The following SMURF2 variants were observed in gnomAD, a reference collection of about 807,000 sequenced individuals.
SMURF2 encodes the protein SMAD specific E3 ubiquitin protein ligase 2.
SMURF2 carries 48 observed loss-of-function variants against 109.6 expected under a neutral mutation model. The ratio of observed to expected loss-of-function variants is 0.44; its 90% CI spans 0.35 to 0.56. The LOEUF is 0.56. Among genes scored for constraint, SMURF2 ranks in the 20% least tolerant of loss-of-function variants. SMURF2 has a pLI of 0.01. For missense variants in SMURF2, 575 were observed against 909.0 expected, an observed-to-expected ratio of 0.63 and a Z score of 4.72; for synonymous variants, 288 against 317.1, an observed-to-expected ratio of 0.91 and a Z score of 0.97.
intron 1 of SMURF2, among the ~76,000 whole-genome samples, chr17:64,637,923 C>CAAAAAAAAAAAAAAAAAACAAAAAAAA (rs1970439664): frequency 1.4e-5 from 1 of 72,560 alleles, no homozygotes; most frequent in African/African-American, 4.1e-5. Context: ...GCGCCCTAGT[C>CAAAAAAAAAAAAAAAAAACAAAAAAAA]AAAAAAAAAA....
intron 1 of SMURF2, 58 bp downstream of exon 1, chr17:64,661,771 C>A: frequency 8.5e-7 from 1 of 1,173,430 alleles, no homozygotes; most frequent in East Asian, 3.4e-5. Flanking sequence ...GCCACAGGCA[C>A]CCCCCGCCAG....
chr17:64,545,716 TAAA>T lies in SMURF2; in HGVS notation c.*129_*131del, dbSNP rs1555683029. 1.3e-3 allele frequency: 174 copies of T among 134,460 alleles called. No homozygotes were observed. Among genetic ancestry groups the T allele is most frequent in the Middle Eastern group, 2.6e-3 (1 of 386 alleles). 8.3% of individuals were successfully genotyped at this position (134,460 alleles called of 1,614,324 possible). On this transcript the variant is annotated 3_prime_UTR_variant, in exon 19 of 19. Coordinates refer to ENST00000262435, the MANE Select transcript of SMURF2 (RefSeq NM_022739.4). ...TTTCCCCTCACAGTGTCCTAAAATG[TAAA>T]AAAAAAAAAAAAAAGGGGGGGGGGG... is the stretch of plus-strand genomic sequence containing the variant.
chr17:64,563,010 T>A (rs781806021), intron 10 of SMURF2, 44 bp from the exon 11 acceptor site: 2 of 1,490,126 alleles, frequency 1.3e-6, no homozygotes, highest in South Asian at 2.6e-5. Context: ...TATCAAATTT[T>A]AAAAATTGCA....
At chr17:64,557,001 T>C (rs1969130611) in intron 13 of SMURF2, among the ~76,000 whole-genome samples, 1 of 152,208 alleles carries the variant, frequency 6.6e-6, no homozygotes, top group African/African-American at 2.4e-5. Context: ...TATCCCACAT[T>C]ATCATTTTAG....
At chr17:64,607,354 G>A (rs782043016) in intron 1 of SMURF2, among the ~76,000 whole-genome samples, 11 of 152,160 alleles carry the variant, frequency 7.2e-5, no homozygotes, top group African/African-American at 1.4e-4. Context: ...TTGGCCGGGC[G>A]CAGTGGCTCA....
intron 6 of SMURF2, among the ~76,000 whole-genome samples, chr17:64,583,950 AC>A (rs1329737192): frequency 6.6e-6 from 1 of 152,140 alleles, no homozygotes; most frequent in African/African-American, 2.4e-5. Flanking sequence ...GGTGTGAGCC[AC>A]CGCATCCGGC....
At chr17:64,622,604 G>T (rs1555690760) in intron 1 of SMURF2, among the ~76,000 whole-genome samples, 1 of 152,124 alleles carries the variant, frequency 6.6e-6, no homozygotes, top group East Asian at 1.9e-4. Flanking sequence ...ATTAGACGGG[G>T]TTTATGAGTT....
Position 64,547,904 on chromosome 17 carries a change from G to A in SMURF2, c.1870-103C>T. 1 of 933,776 alleles carries A rather than the reference G, an allele frequency of 1.1e-6. No individual in the cohort carries two copies. Among genetic ancestry groups the A allele is most frequent in the Non-Finnish European group, 1.7e-6 (1 of 597,456 alleles). The allele number at this position is 933,776 out of a possible 1,614,324, so 57.8% of individuals were successfully genotyped here. On this transcript the variant is annotated intron_variant, in intron 16 of 18. Coordinates refer to ENST00000262435, the MANE Select transcript of SMURF2 (RefSeq NM_022739.4). The surrounding 1 kb of genome is among the most constrained non-coding windows in gnomAD (Gnocchi z 4.2). ...TTGTACTGCTGGCTGTCATTTGGTG[G>A]TTCCTAATTAAAGATGCACATCAGA...
chr17:64,625,983 C>A (rs1179403852), intron 1 of SMURF2, among the ~76,000 whole-genome samples: 1 of 152,108 alleles, frequency 6.6e-6, no homozygotes, highest in East Asian at 1.9e-4. Context: ...CATTAAAGAA[C>A]AACATAGGGG....
chr17:64,638,752 A>G (rs78666610), intron 1 of SMURF2, among the ~76,000 whole-genome samples: 13,308 of 152,202 alleles, frequency 0.087, 1,316 homozygotes, highest in African/African-American at 0.24. Context: ...GACAACCTCT[A>G]GCTATGCACG....
At chr17:64,558,749 A>C (rs1402207817) in intron 12 of SMURF2, among the ~76,000 whole-genome samples, 2 of 152,252 alleles carry the variant, frequency 1.3e-5, no homozygotes, top group Non-Finnish European at 2.9e-5. Flanking sequence ...TGAATTTATT[A>C]AAACCTTCAA....
At chr17:64,647,623 G>A (rs1292618187) in intron 1 of SMURF2, among the ~76,000 whole-genome samples, 1 of 151,764 alleles carries the variant, frequency 6.6e-6, no homozygotes, top group Non-Finnish European at 1.5e-5. Context: ...GGAGGTTGCG[G>A]TGAGCCGAGA....
chr17:64,618,179 T>G (rs995860572), intron 1 of SMURF2, among the ~76,000 whole-genome samples: 1 of 152,196 alleles, frequency 6.6e-6, no homozygotes, highest in Non-Finnish European at 1.5e-5. Flanking sequence ...ACGCCTATAA[T>G]CCTAGCACTT....
chr17:64,642,086 C>CT (rs1970499352), intron 1 of SMURF2, among the ~76,000 whole-genome samples: 2 of 152,208 alleles, frequency 1.3e-5, no homozygotes. Flanking sequence ...GGATTACAGG[C>CT]GTGAGCCATC....
chr17:64,582,520 T>C lies in SMURF2; in HGVS notation c.569+941A>G, dbSNP rs779847878. Among the ~76,000 whole-genome samples, 9 of 152,240 alleles carry C rather than the reference T, an allele frequency of 5.9e-5. No individual in the cohort carries two copies. The South Asian group carries it at 1.4e-3, about 25-fold the overall frequency. On this transcript the variant is annotated intron_variant, in intron 7 of 18. Coordinates refer to ENST00000262435, the MANE Select transcript of SMURF2 (RefSeq NM_022739.4). ...TACAGTAAGCTCCATGAAGTGACCA[T>C]ACCTGACATTCTTCAAGATTTAGTT...
At chr17:64,567,525 T>C (rs1211499886) in intron 10 of SMURF2, among the ~76,000 whole-genome samples, 2 of 152,200 alleles carry the variant, frequency 1.3e-5, no homozygotes, top group Admixed American at 1.3e-4. Context: ...ACTGTTCTAC[T>C]GAAATATTCT....
At chr17:64,557,851 G>T (rs1481665888) in intron 12 of SMURF2, 129 bp from the exon 13 acceptor site, 2 of 548,050 alleles carry the variant, frequency 3.6e-6, no homozygotes, top group South Asian at 2.9e-5. Flanking sequence ...ACTAACTACA[G>T]TTATATAAGA....
At chr17:64,624,160 G>A (rs1555690933) in intron 1 of SMURF2, among the ~76,000 whole-genome samples, 4 of 152,056 alleles carry the variant, frequency 2.6e-5, no homozygotes, top group Non-Finnish European at 5.9e-5. Flanking sequence ...TCCTACAATA[G>A]AGTCCTCCTT....
chr17:64,578,225 T>C (rs1969525972), intron 9 of SMURF2, among the ~76,000 whole-genome samples: 1 of 152,068 alleles, frequency 6.6e-6, no homozygotes, highest in Non-Finnish European at 1.5e-5. Context: ...ATTACAGGCA[T>C]GAGCTACCAT....
Sources: gnomAD v4.1 joint callset for allele counts (sites outside exome capture counted in the v4.1 genomes callset) on GRCh38, gnomAD v4.1.1 for gene constraint, Gnocchi (gnomAD v3.1) non-coding constraint, MANE v1.5 for transcripts, NCBI Gene and HGNC (gene_info 2026-07-23, HGNC 2026-07-21) for gene names.